The following CLEC16A variants were observed in gnomAD, a reference collection of about 807,000 sequenced individuals.
CLEC16A encodes the protein C-type lectin domain containing 16A.
In CLEC16A, 51 loss-of-function variants were observed where a neutral mutation model predicts 109.5. The observed-to-expected ratio is 0.47, with a 90% CI of 0.37 to 0.59. The LOEUF (loss-of-function observed/expected upper bound fraction) is 0.59, where lower values mean the gene tolerates loss of function less well. CLEC16A is among the 20% of genes least tolerant of loss of function. The pLI is 0.00. For synonymous variants in CLEC16A, 673 were observed against 564.2 expected (o/e 1.19, Z -2.73); for missense variants, 1,339 against 1,394.0 (o/e 0.96, Z 0.63).
At chr16:11,118,994 A>C (rs1193104568) in intron 19 of CLEC16A, among the ~76,000 whole-genome samples, 1 of 151,948 alleles carries the variant, frequency 6.6e-6, no homozygotes. Context: ...CTGTTGGTCC[A>C]TGTGTTTTTC....
chr16:11,127,600 G>T (rs1222482384), intron 22 of CLEC16A, among the ~76,000 whole-genome samples: 1 of 152,234 alleles, frequency 6.6e-6, no homozygotes. Flanking sequence ...GGGCATGGCG[G>T]CTCATGCCAG....
At chr16:11,001,029 G>A (rs146495843) in intron 10 of CLEC16A, among the ~76,000 whole-genome samples, 13 of 152,126 alleles carry the variant, frequency 8.5e-5, no homozygotes, top group African/African-American at 2.6e-4. Flanking sequence ...TCAAAATCCC[G>A]CCCTAAACAA....
At chr16:10,966,168 C>A (rs1365425837) in intron 3 of CLEC16A, among the ~76,000 whole-genome samples, 2 of 152,068 alleles carry the variant, frequency 1.3e-5, no homozygotes, top group East Asian at 3.8e-4. Flanking sequence ...AAACTGTGGA[C>A]TATTCAGAGA....
intron 19 of CLEC16A, among the ~76,000 whole-genome samples, chr16:11,106,755 A>T (rs1276447298): frequency 6.6e-6 from 1 of 152,054 alleles, no homozygotes; most frequent in Non-Finnish European, 1.5e-5. Flanking sequence ...CTTCTCCCCA[A>T]ATACTCCAGC....
At chr16:11,120,560 A>G (rs919258351) in intron 19 of CLEC16A, 55 bp from the exon 20 acceptor site, 9 of 1,541,590 alleles carry the variant, frequency 5.8e-6, no homozygotes, top group African/African-American at 1.4e-5. Context: ...TGGTGTCTCC[A>G]TCACCCTGGG....
chr16:11,097,516 C>T (rs2050673837), intron 19 of CLEC16A, among the ~76,000 whole-genome samples: 1 of 152,104 alleles, frequency 6.6e-6, no homozygotes, highest in Non-Finnish European at 1.5e-5. Context: ...ATTTTACTTC[C>T]TTCTTTACCT....
chr16:11,020,902 A>G (rs1317595390), intron 12 of CLEC16A, among the ~76,000 whole-genome samples: 2 of 152,160 alleles, frequency 1.3e-5, no homozygotes, highest in African/African-American at 4.8e-5. Context: ...CAGCCCCTCC[A>G]CAATGGGATT....
chr16:11,039,881 C>T lies in CLEC16A; in HGVS notation c.1660+5C>T. On this transcript the variant is annotated splice_donor_5th_base_variant and intron_variant, in intron 14 of 23. Transcript: ENST00000409790. Reference sequence around the variant, plus strand: ...TGAACAACGCTGCCCAGCCAGGTGCCCACTTGGGGTGTTGTCTGTCCACAG... The same window carrying T: ...TGAACAACGCTGCCCAGCCAGGTGCTCACTTGGGGTGTTGTCTGTCCACAG... 1 of 1,611,794 alleles carries T rather than the reference C, an allele frequency of 6.2e-7. No homozygotes were observed. The highest frequency in any genetic ancestry group is 1.6e-4 in the Middle Eastern group (1 of 6,062).
intron 19 of CLEC16A, among the ~76,000 whole-genome samples, chr16:11,062,377 G>A (rs916029817): frequency 6.6e-6 from 1 of 152,190 alleles, no homozygotes; most frequent in African/African-American, 2.4e-5. Context: ...CAAAACTATA[G>A]AGTTGTGATC....
chr16:11,108,865 CTT>C (rs2051381872), intron 19 of CLEC16A, among the ~76,000 whole-genome samples: 1 of 152,086 alleles, frequency 6.6e-6, no homozygotes, highest in Non-Finnish European at 1.5e-5. Context: ...AATCCCAGCA[CTT>C]TGGGAGGCCG....
At chr16:11,148,571 T>G (rs1597566824) in intron 22 of CLEC16A, among the ~76,000 whole-genome samples, 1 of 152,178 alleles carries the variant, frequency 6.6e-6, no homozygotes, top group African/African-American at 2.4e-5. Context: ...GGCTACAATT[T>G]CCATTACACA....
intron 13 of CLEC16A, among the ~76,000 whole-genome samples, chr16:11,029,019 T>G (rs1349395457): frequency 6.6e-6 from 1 of 152,204 alleles, no homozygotes; most frequent in Non-Finnish European, 1.5e-5. Flanking sequence ...TGCCTGGTCA[T>G]TTTTGATTGG....
At position 10,982,902 on chromosome 16, in the gene CLEC16A, C is replaced by G; in HGVS notation, c.982C>G (p.Pro328Ala). ...GGTCTTCTTAATTATACATCATGCACCGCTGGTGAACTCGTTAGCTGAAGT... is the reference window on the plus strand; with the variant it reads ...GGTCTTCTTAATTATACATCATGCAGCGCTGGTGAACTCGTTAGCTGAAGT... ...SQVFLIIHHAPLVNSLAEVIL... is the reference protein window; with the variant it reads ...SQVFLIIHHAALVNSLAEVIL... The change falls in exon 10 of 24, where the codon CCG becomes GCG. Residue 328 changes from proline (P) to alanine (A), a missense_variant. Physicochemically the swap from Pro to Ala is conservative, Grantham distance 27. Coordinates refer to ENST00000409790, the MANE Select transcript of CLEC16A (RefSeq NM_015226.3). 1 of 1,608,864 alleles carries G rather than the reference C, an allele frequency of 6.2e-7. No homozygotes were observed. Among genetic ancestry groups the G allele is most frequent in the Non-Finnish European group, 8.5e-7 (1 of 1,175,252 alleles).
chr16:11,124,140 TG>T (rs2052631040), intron 21 of CLEC16A, among the ~76,000 whole-genome samples, 194 bp downstream of exon 21: 1 of 152,226 alleles, frequency 6.6e-6, no homozygotes, highest in Admixed American at 6.5e-5. Flanking sequence ...TAGGGCTGCA[TG>T]GAAGAGAAGA....
chr16:11,178,652 G>C lies in CLEC16A; in HGVS notation c.3124G>C (p.Ala1042Pro). The change falls in exon 24 of 24, where the codon GCT becomes CCT. Residue 1042 changes from alanine (A) to proline (P), a missense_variant. This residue lies in a region of CLEC16A where 1,061 missense variants were observed against 1,006.8 expected (regional missense o/e 1.05). Coordinates refer to ENST00000409790, the MANE Select transcript of CLEC16A (RefSeq NM_015226.3). This position sits in a 1 kb window ranked among gnomAD's most constrained non-coding sequence, Gnocchi z 6.5. ...CTGCACAGAGCCCGTGGGCGAAGAG[G>C]CTGCATGTGCTGAGCCTGTGGGCAC... ...AACTEPVGEE[A>P]ACAEPVGTAE... is the part of the protein sequence containing the mutation. 1 of 1,557,370 alleles carries C rather than the reference G, an allele frequency of 6.4e-7. No individual in the cohort carries two copies. The highest frequency in any genetic ancestry group is 8.6e-7 in the Non-Finnish European group (1 of 1,157,060).
At chr16:11,091,607 C>T (rs55898143) in intron 19 of CLEC16A, among the ~76,000 whole-genome samples, 8,053 of 152,208 alleles carry the variant, frequency 0.053, 308 homozygotes, top group Non-Finnish European at 0.082. Flanking sequence ...AGAGTCTGAC[C>T]GCCAGCATTC....
In CLEC16A at chr16:11,100,144, C is replaced by T. The variant is rs150137518; in HGVS notation, c.2117-20471C>T. Among the ~76,000 whole-genome samples the T allele has an allele frequency of 1.6e-4, 25 of 152,220 alleles. No homozygotes were observed. In the South Asian group the frequency reaches 2.9e-3, roughly 18 times the overall value. On this transcript the variant is annotated intron_variant, in intron 19 of 23. Transcript: ENST00000409790. ...CCATGGCTTCCTAGCTCTGAACTTGCCTCTGTGCATCAAGCTGAAGAAGGT... is the reference window on the plus strand; with the variant it reads ...CCATGGCTTCCTAGCTCTGAACTTGTCTCTGTGCATCAAGCTGAAGAAGGT...
chr16:10,955,134 C>G (rs1349573504), intron 1 of CLEC16A, among the ~76,000 whole-genome samples: 1 of 152,236 alleles, frequency 6.6e-6, no homozygotes, highest in Non-Finnish European at 1.5e-5. Flanking sequence ...GGCCAAAGGT[C>G]AAGCCCAAGT....
At chr16:11,157,142 G>C in intron 22 of CLEC16A, 1 of 1,278,510 alleles carries the variant, frequency 7.8e-7, no homozygotes, top group Non-Finnish European at 1.0e-6. Context: ...TAGGCTAAAA[G>C]ACTCTGCAAG....
Sources: gnomAD v4.1 joint callset for allele counts (sites outside exome capture counted in the v4.1 genomes callset) on GRCh38, gnomAD v4.1.1 for gene constraint, gnomAD v4.1.1 regional missense constraint, Gnocchi (gnomAD v3.1) non-coding constraint, MANE v1.5 for transcripts, NCBI Gene and HGNC (gene_info 2026-07-23, HGNC 2026-07-21) for gene names.